Variants in STRN observed in about 807,000 individuals in gnomAD.
STRN encodes protein phosphatase 2 regulatory subunit B'''alpha.
Under a neutral mutation model 96.3 loss-of-function variants are expected in STRN, and 53 were observed. The ratio of observed to expected loss-of-function variants is 0.55; its 90% confidence interval spans 0.44 to 0.69. The LOEUF is 0.69. Among genes scored for constraint, STRN ranks in the 30% least tolerant of loss-of-function variants. The probability of loss-of-function intolerance (pLI) is 0.00; values close to 1 mark genes in which losing one functional copy is unlikely to be tolerated. For missense variants in STRN, 987 were observed against 963.9 expected (o/e 1.02, Z -0.32); for synonymous variants, 428 against 355.9 (o/e 1.20, Z -2.28).
chr2:36,881,001 A>G (rs1347085910), intron 9 of STRN, among the ~76,000 whole-genome samples: 1 of 152,110 alleles, frequency 6.6e-6, no homozygotes, highest in African/African-American at 2.4e-5. Context: ...GAGCCTTAGA[A>G]CTTAAGACTA....
chr2:36,925,029 C>G (rs982846778), intron 2 of STRN, 76 bp downstream of exon 2: 63 of 1,366,670 alleles, frequency 4.6e-5, no homozygotes, highest in Middle Eastern at 2.6e-4. Flanking sequence ...GCACCCCAGC[C>G]TGGGCAACAA....
At chr2:36,953,127 C>T (rs1277762474) in intron 1 of STRN, among the ~76,000 whole-genome samples, 5 of 152,132 alleles carry the variant, frequency 3.3e-5, no homozygotes, top group African/African-American at 1.2e-4. Flanking sequence ...GAAACATTCC[C>T]CCGGCCCTTT....
chr2:36,855,150 T>C (rs1668312087), intron 15 of STRN, 62 bp downstream of exon 15: 3 of 1,543,906 alleles, frequency 1.9e-6, no homozygotes, highest in Non-Finnish European at 1.8e-6. Flanking sequence ...CTGACTCTAG[T>C]AGTCGTAATT....
At chr2:36,940,853 A>T (rs1040024897) in intron 1 of STRN, among the ~76,000 whole-genome samples, 2 of 141,006 alleles carry the variant, frequency 1.4e-5, no homozygotes, top group African/African-American at 5.5e-5. Flanking sequence ...AAAAAAAAAA[A>T]AAAAAAAAAG....
intron 7 of STRN, among the ~76,000 whole-genome samples, chr2:36,893,062 G>A (rs1029816986): frequency 6.6e-6 from 1 of 151,014 alleles, no homozygotes; most frequent in Non-Finnish European, 1.5e-5. Context: ...AGTGAGACTC[G>A]GTATGAAAAA....
At chr2:36,912,602 C>T (rs972222274) in intron 3 of STRN, among the ~76,000 whole-genome samples, 1 of 152,150 alleles carries the variant, frequency 6.6e-6, no homozygotes, top group African/African-American at 2.4e-5. Flanking sequence ...AAATGTCATT[C>T]CTCAGGGCTC....
chr2:36,902,209 AAC>A (rs1427692937), intron 5 of STRN, among the ~76,000 whole-genome samples: 1 of 152,216 alleles, frequency 6.6e-6, no homozygotes, highest in Non-Finnish European at 1.5e-5. Context: ...GTGGTTAAAA[AAC>A]AGTGTTACTT....
At chr2:36,861,067 A>T in intron 13 of STRN, 65 bp downstream of exon 13, 1 of 1,579,692 alleles carries the variant, frequency 6.3e-7, no homozygotes, top group East Asian at 2.2e-5. Context: ...TTCCTTTTAT[A>T]TTCTATGAAA....
intron 1 of STRN, among the ~76,000 whole-genome samples, chr2:36,928,238 C>A (rs1056699827): frequency 6.6e-6 from 1 of 151,938 alleles, no homozygotes; most frequent in Non-Finnish European, 1.5e-5. Flanking sequence ...GCTAAAAATT[C>A]TCCAGATATG....
chr2:36,873,322 T>C (rs1668814717), intron 10 of STRN, among the ~76,000 whole-genome samples: 1 of 152,210 alleles, frequency 6.6e-6, no homozygotes, highest in Non-Finnish European at 1.5e-5. Flanking sequence ...CATAAGGATG[T>C]AAGACAATAT....
At chr2:36,957,641 C>A (rs1260202692) in intron 1 of STRN, among the ~76,000 whole-genome samples, 2 of 151,040 alleles carry the variant, frequency 1.3e-5, no homozygotes, top group East Asian at 3.9e-4. Flanking sequence ...TAGACATCTA[C>A]CAGAAGGAAA....
At chr2:36,873,167 A>G (rs1668809775) in intron 10 of STRN, among the ~76,000 whole-genome samples, 1 of 152,260 alleles carries the variant, frequency 6.6e-6, no homozygotes, top group African/African-American at 2.4e-5. Flanking sequence ...TAAAAATTTA[A>G]AATGGAATAA....
intron 15 of STRN, among the ~76,000 whole-genome samples, chr2:36,854,478 CT>C (rs1668295519): frequency 6.6e-6 from 1 of 152,070 alleles, no homozygotes; most frequent in African/African-American, 2.4e-5. Context: ...AATAAAGAAA[CT>C]TTTTGAGAGA....
intron 1 of STRN, among the ~76,000 whole-genome samples, chr2:36,951,917 G>C (rs1186941357): frequency 6.6e-6 from 1 of 152,208 alleles, no homozygotes; most frequent in African/African-American, 2.4e-5. Context: ...TCAGATCAGA[G>C]GCAACGCTGA....
intron 2 of STRN, among the ~76,000 whole-genome samples, chr2:36,919,005 T>C (rs946177187): frequency 1.3e-5 from 2 of 152,226 alleles, no homozygotes; most frequent in African/African-American, 4.8e-5. Flanking sequence ...TTAATAACTA[T>C]AATACACTAA....
chr2:36,916,172 T>C, intron 2 of STRN, 21 bp from the exon 3 acceptor site: 3 of 1,586,578 alleles, frequency 1.9e-6, no homozygotes, highest in Middle Eastern at 1.7e-4. Flanking sequence ...AATGAGAAAA[T>C]ACAGACCATC....
At position 36,847,148 on chromosome 2, in the gene STRN, G is replaced by T. The variant is rs1483775933; in HGVS notation, c.*2308C>A. ...CAATGCCACAGCACTGGCTTTCTAA[G>T]GAACTTTCAACAGTTCCATTTGCGC... On this transcript the variant is annotated 3_prime_UTR_variant, in exon 18 of 18. Coordinates refer to ENST00000263918, the MANE Select transcript of STRN (RefSeq NM_003162.4). The T allele has an allele frequency of 1.3e-5, 2 of 152,098 alleles. No individual in the cohort carries two copies. Among genetic ancestry groups the T allele is most frequent in the African/African-American group, 4.8e-5 (2 of 41,428 alleles). The allele number at this position is 152,098 out of a possible 1,614,324, so 9.4% of individuals were successfully genotyped here. A position where few individuals can be genotyped will look rare whatever the true frequency, so the allele number is the denominator to read the frequency against.
chr2:36,934,433 A>C (rs1244755334), intron 1 of STRN, among the ~76,000 whole-genome samples: 2 of 152,246 alleles, frequency 1.3e-5, no homozygotes, highest in African/African-American at 4.8e-5. Context: ...TCTTAATCTT[A>C]AAATCTGAGG....
chr2:36,873,196 A>G (rs567557411), intron 10 of STRN, among the ~76,000 whole-genome samples: 8 of 152,384 alleles, frequency 5.2e-5, no homozygotes, highest in Admixed American at 5.2e-4. Context: ...CAGATCCCAG[A>G]GCCAGTGGCT....
Sources: allele counts gnomAD v4.1 joint callset (sites outside exome capture counted in the v4.1 genomes callset), GRCh38; gene constraint gnomAD v4.1.1; transcripts MANE v1.5; gene names NCBI Gene and HGNC (gene_info 2026-07-23, HGNC 2026-07-21).